The following CNTN1 variants were observed in gnomAD, a reference collection of about 807,000 sequenced individuals.
CNTN1 encodes the protein contactin 1.
In CNTN1, 38 loss-of-function variants were observed where a neutral mutation model predicts 126.4. The observed-to-expected ratio is 0.30, with a 90% confidence interval of 0.23 to 0.39. CNTN1 has a LOEUF of 0.39. CNTN1 is among the 10% of genes least tolerant of loss of function. The pLI is 1.00. For missense variants in CNTN1, 1,009 were observed against 1,248.4 expected, an observed-to-expected ratio of 0.81 and a Z score of 2.89; for synonymous variants, 413 against 422.6, an observed-to-expected ratio of 0.98 and a Z score of 0.28.
intron 17 of CNTN1, among the ~76,000 whole-genome samples, chr12:41,004,479 G>T (rs1948442849): frequency 6.6e-6 from 1 of 152,060 alleles, no homozygotes; most frequent in Admixed American, 6.6e-5. Flanking sequence ...GCTGAGTTCA[G>T]GTCCTGATTA....
intron 23 of CNTN1, among the ~76,000 whole-genome samples, chr12:41,050,287 T>G (rs1047324315): frequency 6.6e-6 from 1 of 152,230 alleles, no homozygotes; most frequent in Non-Finnish European, 1.5e-5. Context: ...TATAAAGAAC[T>G]ACCTGAAACT....
At chr12:41,038,818 A>G (rs1164342369) in intron 23 of CNTN1, among the ~76,000 whole-genome samples, 1 of 152,156 alleles carries the variant, frequency 6.6e-6, no homozygotes, top group Non-Finnish European at 1.5e-5. Flanking sequence ...AGGAAGGTAA[A>G]GAGAGGTGGG....
chr12:40,828,535 A>G (rs549979699), intron 1 of CNTN1, among the ~76,000 whole-genome samples: 2 of 152,270 alleles, frequency 1.3e-5, no homozygotes, highest in Admixed American at 1.3e-4. Flanking sequence ...CTAGAGCTCG[A>G]ATGTGTAGAA....
At chr12:40,779,359 C>A (rs995967455) in intron 1 of CNTN1, among the ~76,000 whole-genome samples, 3 of 151,772 alleles carry the variant, frequency 2.0e-5, no homozygotes, top group Non-Finnish European at 4.4e-5. Flanking sequence ...ACCTTACTCA[C>A]CTTTTTCCAC....
intron 1 of CNTN1, among the ~76,000 whole-genome samples, chr12:40,899,166 T>C (rs1043347738): frequency 6.6e-6 from 1 of 152,220 alleles, no homozygotes; most frequent in Admixed American, 6.5e-5. Flanking sequence ...AGTTTGAACA[T>C]TCTATCCTGC....
At chr12:41,010,263 A>G (rs1425543131) in intron 17 of CNTN1, among the ~76,000 whole-genome samples, 2 of 152,100 alleles carry the variant, frequency 1.3e-5, no homozygotes, top group Non-Finnish European at 2.9e-5. Flanking sequence ...ACTGGTTTGG[A>G]ACCCGGTGAC....
intron 1 of CNTN1, among the ~76,000 whole-genome samples, chr12:40,834,944 T>C (rs1174465490): frequency 1.3e-5 from 2 of 152,154 alleles, no homozygotes; most frequent in African/African-American, 4.8e-5. Flanking sequence ...TCCTATAAAT[T>C]GAGTTCTGGC....
chr12:40,975,397 G>A (rs1947646507), intron 15 of CNTN1, among the ~76,000 whole-genome samples: 1 of 151,786 alleles, frequency 6.6e-6, no homozygotes. Context: ...AGAATGACAG[G>A]AGATCATTCA....
In CNTN1 at chr12:40,841,215, A is replaced by C. The variant is rs150410008; in HGVS notation, c.-76-67142A>C. Among the ~76,000 whole-genome samples the C allele has an allele frequency of 4.3e-3, 655 of 152,124 alleles. 5 individuals are homozygous for C. Among genetic ancestry groups the C allele is most frequent in the Admixed American group, 6.2e-3 (94 of 15,276 alleles). ...ATGGATAAATTCCTAGAAACATACA[A>C]CCTACCAAGGTTAAATCAGGAGGTA... On this transcript the variant is annotated intron_variant, in intron 1 of 23. Transcript: ENST00000551295.
intron 1 of CNTN1, among the ~76,000 whole-genome samples, chr12:40,725,429 G>GA (rs60290681): frequency 0.85 from 109,098 of 128,232 alleles, 46,263 homozygotes; most frequent in East Asian, 0.98. Context: ...AAAAAGGAAA[G>GA]AAAAAAAAAG....
At chr12:40,929,221 C>T (rs1945796610) in intron 6 of CNTN1, among the ~76,000 whole-genome samples, 1 of 151,828 alleles carries the variant, frequency 6.6e-6, no homozygotes, top group South Asian at 2.1e-4. Flanking sequence ...CCATATGATA[C>T]ATCTCCTAAT....
intron 20 of CNTN1, among the ~76,000 whole-genome samples, chr12:41,024,271 T>C (rs1948989545): frequency 6.6e-6 from 1 of 152,200 alleles, no homozygotes; most frequent in South Asian, 2.1e-4. Flanking sequence ...CCCGTTATTT[T>C]ATAGACAGGG....
At chr12:41,026,334 A>G (rs1352466676) in intron 21 of CNTN1, among the ~76,000 whole-genome samples, 1 of 152,192 alleles carries the variant, frequency 6.6e-6, no homozygotes. Context: ...ACTTCAAACA[A>G]ACACAAACTC....
chr12:40,813,064 T>TTTCTTTCTTTCTTTCTTTCTTTCTTTCG (rs1941139202), intron 1 of CNTN1, among the ~76,000 whole-genome samples: 1 of 133,018 alleles, frequency 7.5e-6, no homozygotes, highest in Non-Finnish European at 1.6e-5. Flanking sequence ...TCTTTCTTCC[T>TTTCTTTCTTTCTTTCTTTCTTTCTTTCG]TCCTTCCTTC....
At chr12:40,937,964 C>A (rs1018820366) in intron 11 of CNTN1, among the ~76,000 whole-genome samples, 1 of 152,142 alleles carries the variant, frequency 6.6e-6, no homozygotes, top group African/African-American at 2.4e-5. Context: ...AGGCTCACCC[C>A]AGACCTACTG....
At chr12:41,052,198 T>G (rs887777344) in intron 23 of CNTN1, among the ~76,000 whole-genome samples, 10 of 152,208 alleles carry the variant, frequency 6.6e-5, no homozygotes, top group Non-Finnish European at 1.5e-5. Flanking sequence ...CCATAAACTT[T>G]GTCTCTGGTC....
At chr12:40,785,420 G>A (rs1051680843) in intron 1 of CNTN1, among the ~76,000 whole-genome samples, 13 of 152,124 alleles carry the variant, frequency 8.5e-5, no homozygotes, top group Admixed American at 3.3e-4. Flanking sequence ...TCACCTGTCT[G>A]TGTGAAGAGA....
At chr12:40,801,322 T>A (rs1002251460) in intron 1 of CNTN1, among the ~76,000 whole-genome samples, 3 of 152,002 alleles carry the variant, frequency 2.0e-5, no homozygotes, top group African/African-American at 7.2e-5. Flanking sequence ...ATCACAGTGA[T>A]AAACACCAGG....
chr12:40,773,000 A>G (rs1230176375), intron 1 of CNTN1, among the ~76,000 whole-genome samples: 1 of 151,952 alleles, frequency 6.6e-6, no homozygotes, highest in Non-Finnish European at 1.5e-5. Context: ...GGATATACGC[A>G]CATTGGATAT....
Sources: gnomAD v4.1 joint callset for allele counts (sites outside exome capture counted in the v4.1 genomes callset) on GRCh38, gnomAD v4.1.1 for gene constraint, MANE v1.5 for transcripts, NCBI Gene and HGNC (gene_info 2026-07-23, HGNC 2026-07-21) for gene names.